The following ZNF438 variants were observed in gnomAD, a reference collection of about 807,000 sequenced individuals.
ZNF438 encodes the protein zinc finger protein 438.
A neutral mutation model predicts 38.0 loss-of-function variants in ZNF438; 25 were observed. The ratio of observed to expected loss-of-function variants is 0.66; its 90% CI spans 0.48 to 0.92. ZNF438 has a LOEUF of 0.92. Ranked by LOEUF, ZNF438 falls within the 40% of genes least tolerant of loss-of-function variation. The pLI is 0.00. For synonymous variants in ZNF438, 372 were observed against 364.1 expected, an observed-to-expected ratio of 1.02 and a Z score of -0.25; for missense variants, 1,007 against 999.6, an observed-to-expected ratio of 1.01 and a Z score of -0.10.
chr10:30,980,194 T>C (rs2051946868), intron 1 of ZNF438, among the ~76,000 whole-genome samples: 1 of 150,460 alleles, frequency 6.6e-6, no homozygotes, highest in Admixed American at 6.7e-5. Context: ...TTTCATCCTG[T>C]GTGTGCTGGG....
intron 1 of ZNF438, among the ~76,000 whole-genome samples, chr10:30,942,097 A>T (rs1045758233): frequency 2.0e-4 from 30 of 152,242 alleles, no homozygotes; most frequent in Admixed American, 5.9e-4. Context: ...TAAGTGCTAC[A>T]AGTGACACAA....
At chr10:30,933,923 A>C (rs7897755) in intron 2 of ZNF438, among the ~76,000 whole-genome samples, 1 of 152,028 alleles carries the variant, frequency 6.6e-6, no homozygotes, top group Non-Finnish European at 1.5e-5. Context: ...GAGGTGGGTG[A>C]ATCACGAGGT....
chr10:30,971,327 C>T (rs575214011), intron 1 of ZNF438, among the ~76,000 whole-genome samples: 20 of 152,190 alleles, frequency 1.3e-4, no homozygotes, highest in East Asian at 7.7e-4. Context: ...AACATAACAA[C>T]GGAAGGCCAT....
chr10:30,924,824 A>G (rs369991421), intron 2 of ZNF438, among the ~76,000 whole-genome samples: 1 of 152,202 alleles, frequency 6.6e-6, no homozygotes, highest in East Asian at 1.9e-4. Context: ...AGATCCTGCA[A>G]TGAAAAGAAA....
chr10:30,846,591 C>G lies in ZNF438; in HGVS notation c.1875-1018G>C, dbSNP rs112315048. 5.4e-3 allele frequency among the ~76,000 whole-genome samples: 815 copies of G among 152,306 alleles called. 9 individuals carry two copies. The highest frequency in any genetic ancestry group is 0.019 in the African/African-American group (775 of 41,562). On this transcript the variant is annotated intron_variant, in intron 5 of 5. Coordinates refer to ENST00000413025, the Ensembl canonical transcript of ZNF438. ...AGCCAGTGGGAGCTGGGGACAAGCA[C>G]GAGCCCTGCCCTTTCCAAGTTGACG...
intron 1 of ZNF438, among the ~76,000 whole-genome samples, chr10:31,022,606 T>C (rs930940427): frequency 9.2e-5 from 14 of 152,134 alleles, no homozygotes; most frequent in Admixed American, 7.2e-4. Context: ...ATCTGAGAAG[T>C]ACACTCAGCA....
At chr10:30,863,933 A>C (rs1192082013) in intron 4 of ZNF438, among the ~76,000 whole-genome samples, 1 of 152,212 alleles carries the variant, frequency 6.6e-6, no homozygotes, top group Non-Finnish European at 1.5e-5. Flanking sequence ...TTTCTAGTTC[A>C]AAACCGATTC....
At chr10:31,005,626 G>C (rs1179943029) in intron 1 of ZNF438, among the ~76,000 whole-genome samples, 2 of 152,100 alleles carry the variant, frequency 1.3e-5, no homozygotes, top group Non-Finnish European at 1.5e-5. Context: ...CTGTATTTGA[G>C]ATTTTTGCTA....
chr10:30,872,418 T>C (rs2037592611), intron 4 of ZNF438, among the ~76,000 whole-genome samples: 3 of 88,164 alleles, frequency 3.4e-5, no homozygotes, highest in African/African-American at 1.2e-4. Context: ...AGAACAAGAC[T>C]CTGTCTCAAA....
chr10:30,981,114 T>C (rs2052080560), intron 1 of ZNF438, among the ~76,000 whole-genome samples: 1 of 152,186 alleles, frequency 6.6e-6, no homozygotes, highest in African/African-American at 2.4e-5. Flanking sequence ...GAGAGCATGT[T>C]CCCCAGAGCT....
intron 4 of ZNF438, among the ~76,000 whole-genome samples, chr10:30,865,119 C>G (rs894641222): frequency 1.1e-4 from 17 of 152,198 alleles, no homozygotes; most frequent in African/African-American, 4.1e-4. Context: ...TTCCAGTGAC[C>G]GGTGAGTGCC....
chr10:30,996,186 AC>A (rs2054028175), intron 1 of ZNF438, among the ~76,000 whole-genome samples: 1 of 152,186 alleles, frequency 6.6e-6, no homozygotes, highest in African/African-American at 2.4e-5. Flanking sequence ...AAAGGAAAGA[AC>A]AAAAAAGACC....
chr10:31,008,166 A>G (rs936987860), intron 1 of ZNF438, among the ~76,000 whole-genome samples: 3 of 152,206 alleles, frequency 2.0e-5, no homozygotes, highest in African/African-American at 7.2e-5. Context: ...AAAATATCTA[A>G]GTCATCCTGC....
intron 1 of ZNF438, among the ~76,000 whole-genome samples, chr10:30,987,926 TTTAA>T (rs2053032861): frequency 6.6e-6 from 1 of 152,236 alleles, no homozygotes; most frequent in Admixed American, 6.5e-5. Context: ...TTATTCAAGA[TTTAA>T]TTTTTATGGC....
At chr10:30,970,105 TACACAC>T (rs55745286) in intron 1 of ZNF438, among the ~76,000 whole-genome samples, 16,623 of 145,062 alleles carry the variant, frequency 0.11, 984 homozygotes, top group African/African-American at 0.15. Context: ...TGCTGGCTGA[TACACAC>T]ACACACACAC....
chr10:31,019,102 A>G (rs1216556460), intron 1 of ZNF438, among the ~76,000 whole-genome samples: 1 of 152,228 alleles, frequency 6.6e-6, no homozygotes, highest in Admixed American at 6.5e-5. Flanking sequence ...CAGAATTAGC[A>G]GTCTTTGCCA....
chr10:30,950,106 G>T (rs1253786331), intron 1 of ZNF438, among the ~76,000 whole-genome samples: 3 of 148,518 alleles, frequency 2.0e-5, no homozygotes, highest in Non-Finnish European at 4.5e-5. Flanking sequence ...ACTCAAAACC[G>T]CTCAACTACA....
chr10:30,882,733 A>G lies in ZNF438; in HGVS notation c.-31-5668T>C, dbSNP rs535900297. 1.1e-4 allele frequency among the ~76,000 whole-genome samples: 17 copies of G among 152,330 alleles called. No individual in the cohort carries two copies. In the South Asian group the frequency reaches 3.5e-3, roughly 32 times the overall value. On this transcript the variant is annotated intron_variant, in intron 3 of 5. Coordinates refer to ENST00000413025, the Ensembl canonical transcript of ZNF438. ...TCTATAAGCAGACCTGAGAAACAAC[A>G]TATACCCATCCATCGAGGTGAAGAA...
intron 1 of ZNF438, among the ~76,000 whole-genome samples, chr10:31,004,866 T>C (rs1435171900): frequency 6.6e-6 from 1 of 152,154 alleles, no homozygotes; most frequent in Non-Finnish European, 1.5e-5. Flanking sequence ...TAAATAAACT[T>C]CCTATATGCT....
Sources: gnomAD v4.1 joint callset for allele counts (sites outside exome capture counted in the v4.1 genomes callset) on GRCh38, gnomAD v4.1.1 for gene constraint, MANE v1.5 for transcripts, NCBI Gene and HGNC (gene_info 2026-07-23, HGNC 2026-07-21) for gene names.